Variants in INSL6 observed in about 807,000 individuals in gnomAD.
INSL6 encodes the protein insulin like 6.
In INSL6, 16 loss-of-function variants were observed where a neutral mutation model predicts 9.4. The observed-to-expected ratio is 1.70, with a 90% CI of 1.15 to 2.59. The LOEUF is 2.59. INSL6 is among the 30% of genes most tolerant of loss of function. The pLI is 0.00. For synonymous variants in INSL6, 154 were observed against 96.9 expected (o/e 1.59, Z -3.46); for missense variants, 391 against 257.3 (o/e 1.52, Z -3.56).
At chr9:5,074,627 C>A in the INSL6 span, among the ~76,000 whole-genome samples, 1 of 152,182 alleles carries the variant, frequency 6.6e-6, no homozygotes, top group Admixed American at 6.5e-5. Context: ...CTGTCTCTCT[C>A]CCTCTCCTGG....
At chr9:5,160,632 C>G (rs1386117590), downstream of INSL6, among the ~76,000 whole-genome samples, 1 of 151,916 alleles carries the variant, frequency 6.6e-6, no homozygotes, top group African/African-American at 2.4e-5. Context: ...GAAATGAATA[C>G]AAAAGATCAA....
At chr9:5,133,939 A>G (rs1420550485) in intron 2 of INSL6, among the ~76,000 whole-genome samples, 1 of 150,528 alleles carries the variant, frequency 6.6e-6, no homozygotes, top group East Asian at 1.9e-4. Flanking sequence ...AAGGAAGCTA[A>G]GAACACTGAA....
At chr9:5,108,001 A>G in the INSL6 span, 3 of 152,128 alleles carry the variant, frequency 2.0e-5, no homozygotes, top group Admixed American at 1.3e-4. Flanking sequence ...CTGAATTAAC[A>G]TGACCATCCA....
chr9:5,111,247 G>C, the INSL6 span: 1 of 539,830 alleles, frequency 1.9e-6, no homozygotes, highest in Non-Finnish European at 3.5e-6. Context: ...TCCTTTGGTA[G>C]AGACGCAGGC....
chr9:5,075,790 T>A, the INSL6 span, among the ~76,000 whole-genome samples: 2 of 152,184 alleles, frequency 1.3e-5, no homozygotes, highest in African/African-American at 4.8e-5. Flanking sequence ...ATCTAAGAAA[T>A]ACATTTTGTA....
the INSL6 span, among the ~76,000 whole-genome samples, chr9:5,021,243 G>C: frequency 1.3e-5 from 2 of 152,072 alleles, no homozygotes; most frequent in Non-Finnish European, 2.9e-5. Context: ...TCTCTTAGAT[G>C]ACCTATTCAA....
At chr9:5,091,453 A>T in the INSL6 span, 2 of 152,240 alleles carry the variant, frequency 1.3e-5, no homozygotes, top group Non-Finnish European at 2.9e-5. Flanking sequence ...TTTTAATAGC[A>T]TAGGGAGTTG....
the INSL6 span, among the ~76,000 whole-genome samples, chr9:5,060,393 T>A: frequency 2.0e-5 from 3 of 152,220 alleles, no homozygotes; most frequent in Admixed American, 1.3e-4. Flanking sequence ...ACAGTAGAAT[T>A]TCTTTAGAAA....
chr9:5,110,178 G>A, the INSL6 span: 1 of 152,182 alleles, frequency 6.6e-6, no homozygotes, highest in Non-Finnish European at 1.5e-5. Context: ...CGCCATAGAA[G>A]GCCCAACCCC....
the INSL6 span, among the ~76,000 whole-genome samples, chr9:5,021,592 C>A: frequency 6.6e-6 from 1 of 152,100 alleles, no homozygotes; most frequent in African/African-American, 2.4e-5. Flanking sequence ...ATGAAGGGTG[C>A]CTTATCAATA....
intron 2 of INSL6, among the ~76,000 whole-genome samples, chr9:5,149,698 T>C (rs1202611779): frequency 3.0e-5 from 1 of 33,480 alleles, no homozygotes. Context: ...CCTATCAAAA[T>C]AGCAATGTCA....
intron 2 of INSL6, among the ~76,000 whole-genome samples, chr9:5,144,338 C>T (rs1202650101): frequency 1.3e-5 from 2 of 152,086 alleles, no homozygotes; most frequent in East Asian, 1.9e-4. Flanking sequence ...GTAGTGATTT[C>T]GAATTTTATG....
At chr9:5,116,616 T>G in the INSL6 span, among the ~76,000 whole-genome samples, 59,226 of 152,094 alleles carry the variant, frequency 0.39, 15,070 homozygotes, top group African/African-American at 0.73. Context: ...AGAGATTTGG[T>G]TATACTTAAT....
chr9:5,089,764 A>T, the INSL6 span: 16 of 1,597,988 alleles, frequency 1.0e-5, no homozygotes, highest in Non-Finnish European at 1.4e-5. Context: ...TCAGCATAGT[A>T]CTGAAGAGCA....
the INSL6 span, among the ~76,000 whole-genome samples, chr9:5,020,757 C>G: frequency 6.6e-6 from 1 of 152,218 alleles, no homozygotes; most frequent in African/African-American, 2.4e-5. Context: ...GGGGTTATTG[C>G]CAATGGCTTG....
chr9:5,164,796 T>C (rs1389513528), intron 1 of INSL6, among the ~76,000 whole-genome samples: 3 of 152,262 alleles, frequency 2.0e-5, no homozygotes, highest in African/African-American at 4.8e-5. Context: ...TTCACCTACA[T>C]TGTAGCATGT....
downstream of INSL6, among the ~76,000 whole-genome samples, chr9:5,121,946 A>C (rs988125849): frequency 2.0e-5 from 3 of 152,192 alleles, no homozygotes; most frequent in Non-Finnish European, 4.4e-5. Context: ...CCCCTTGTGG[A>C]ATAAAACTAA....
the INSL6 span, among the ~76,000 whole-genome samples, chr9:5,039,980 A>C: frequency 2.0e-5 from 3 of 152,352 alleles, no homozygotes; most frequent in East Asian, 5.8e-4. Context: ...TTATATAAAA[A>C]GCAAAGGGAC....
the INSL6 span, among the ~76,000 whole-genome samples, chr9:5,042,562 G>T: frequency 6.6e-6 from 1 of 152,092 alleles, no homozygotes; most frequent in Non-Finnish European, 1.5e-5. Flanking sequence ...TTACTTTGCT[G>T]AAGTGAGTAG....
Sources: gnomAD v4.1 joint callset for allele counts (sites outside exome capture counted in the v4.1 genomes callset) on GRCh38, gnomAD v4.1.1 for gene constraint, MANE v1.5 for transcripts, NCBI Gene and HGNC (gene_info 2026-07-23, HGNC 2026-07-21) for gene names.